Variants in ANKRD44 observed in about 807,000 individuals in gnomAD.
ANKRD44 encodes the protein serine/threonine-protein phosphatase 6 regulatory ankyrin repeat subunit B.
Under a neutral mutation model 116.0 loss-of-function variants are expected in ANKRD44, and 35 were observed. That is an observed-to-expected ratio of 0.30 (90% CI 0.23 to 0.40). ANKRD44 has a LOEUF of 0.40. Ranked by LOEUF, ANKRD44 falls within the 10% of genes least tolerant of loss-of-function variation. ANKRD44 has a pLI of 1.00. For missense variants in ANKRD44, 1,014 were observed against 1,242.6 expected (o/e 0.82, Z 2.77); for synonymous variants, 435 against 461.8 (o/e 0.94, Z 0.74).
At chr2:197,039,680 CGTGTGTGTGT>C (rs10535447) in intron 16 of ANKRD44, among the ~76,000 whole-genome samples, 74,415 of 140,852 alleles carry the variant, frequency 0.53, 19,642 homozygotes, top group East Asian at 0.69. Context: ...TGTGTGTGTG[CGTGTGTGTGT>C]GTGTGTGTGT....
At chr2:196,990,515 G>A in intron 27 of ANKRD44, 2 of 1,227,644 alleles carry the variant, frequency 1.6e-6, no homozygotes, top group East Asian at 3.2e-5. Flanking sequence ...CTGTGTGACT[G>A]TTCCACCCAA....
intron 1 of ANKRD44, among the ~76,000 whole-genome samples, chr2:197,223,547 T>C (rs6750821): frequency 0.15 from 23,139 of 152,220 alleles, 2,156 homozygotes; most frequent in African/African-American, 0.27. Flanking sequence ...TTTCTCCATG[T>C]CAGTATGTGT....
intron 1 of ANKRD44, among the ~76,000 whole-genome samples, chr2:197,289,894 G>A (rs771514157): frequency 1.2e-4 from 18 of 149,024 alleles, no homozygotes; most frequent in Non-Finnish European, 2.2e-4. Context: ...TTTTTGAGAC[G>A]GAGTCTCTAT....
At chr2:197,210,823 G>A (rs953521848) in intron 1 of ANKRD44, among the ~76,000 whole-genome samples, 3 of 152,224 alleles carry the variant, frequency 2.0e-5, no homozygotes, top group African/African-American at 7.2e-5. Flanking sequence ...GTGAATGAGA[G>A]GCTGGAGAGG....
At chr2:197,100,047 C>T (rs2125224705) in intron 9 of ANKRD44, 117 bp from the exon 10 acceptor site, 1 of 897,770 alleles carries the variant, frequency 1.1e-6, no homozygotes, top group Non-Finnish European at 1.7e-6. Flanking sequence ...TCCAGTTGTG[C>T]ATCTTTGCTC....
intron 1 of ANKRD44, among the ~76,000 whole-genome samples, chr2:197,250,646 G>A (rs1167266690): frequency 6.6e-6 from 1 of 152,166 alleles, no homozygotes; most frequent in African/African-American, 2.4e-5. Flanking sequence ...CACCTTATGT[G>A]CATTCTCTCA....
At chr2:197,063,734 A>G (rs2077369989) in intron 16 of ANKRD44, among the ~76,000 whole-genome samples, 1 of 152,196 alleles carries the variant, frequency 6.6e-6, no homozygotes, top group South Asian at 2.1e-4. Flanking sequence ...GAAATGAAAC[A>G]AGAAGAGAAG....
rs955290412 is a variant in ANKRD44, at chr2:197,172,002, T to C, written c.111+15021A>G. ...TACCATGTCCGTTATTTTTCTTCTT[T>C]TTTTTTTTTTTTTTTGAGATAATGT... On this transcript the variant is annotated intron_variant, in intron 2 of 27. Transcript: ENST00000282272. Among the ~76,000 whole-genome samples the C allele has an allele frequency of 1.8e-4, 26 of 147,698 alleles. No homozygotes were observed. In the East Asian group the frequency reaches 3.1e-3, roughly 18 times the overall value.
intron 1 of ANKRD44, among the ~76,000 whole-genome samples, chr2:197,267,367 C>T (rs943236882): frequency 6.6e-6 from 1 of 152,180 alleles, no homozygotes; most frequent in Non-Finnish European, 1.5e-5. Context: ...GTTGTCATTT[C>T]TCCCTATTGT....
chr2:197,263,418 C>G lies in ANKRD44; in HGVS notation c.27+47160G>C, dbSNP rs1021723851. On this transcript the variant is annotated intron_variant, in intron 1 of 27. Coordinates refer to ENST00000282272, the MANE Select transcript of ANKRD44 (RefSeq NM_001195144.2). Reference sequence around the variant, plus strand: ...TTGGGAGCCTCATCATTGATTATGCCAGGAACCCTTCTCTGAAACAACAGC... The same window carrying G: ...TTGGGAGCCTCATCATTGATTATGCGAGGAACCCTTCTCTGAAACAACAGC... 2.5e-5 allele frequency: 15 copies of G among 588,872 alleles called. No individual in the cohort carries two copies. In the Admixed American group the frequency reaches 3.1e-4, roughly 12 times the overall value. The allele number at this position is 588,872 out of a possible 1,614,324, so 36.5% of individuals were successfully genotyped here. A position where few individuals can be genotyped will look rare whatever the true frequency, so the allele number is the denominator to read the frequency against.
chr2:197,083,108 T>C (rs1345961572), intron 14 of ANKRD44, among the ~76,000 whole-genome samples: 2 of 152,266 alleles, frequency 1.3e-5, no homozygotes, highest in South Asian at 4.1e-4. Flanking sequence ...AAAACAGATT[T>C]TGAATGAACC....
Position 197,063,781 on chromosome 2 carries a change from C to A in ANKRD44, c.1650+14922G>T, listed in dbSNP as rs568146169. On this transcript the variant is annotated intron_variant, in intron 16 of 27. Transcript: ENST00000282272. ...AAGAGTAAAAAGAAACGAACAAAGC[C>A]TCCAAGAAATATGGGACTATGTGAA... Among the ~76,000 whole-genome samples, 4 of 152,270 alleles carry A rather than the reference C, an allele frequency of 2.6e-5. No individual in the cohort carries two copies. The South Asian group carries it at 8.3e-4, about 32-fold the overall frequency.
chr2:197,268,659 G>A (rs1373417694), intron 1 of ANKRD44, among the ~76,000 whole-genome samples: 1 of 152,178 alleles, frequency 6.6e-6, no homozygotes, highest in Non-Finnish European at 1.5e-5. Context: ...CGATACCCAG[G>A]TGACTTTTTT....
At chr2:196,983,580 C>T (rs1329367118), downstream of ANKRD44, among the ~76,000 whole-genome samples, 3 of 152,168 alleles carry the variant, frequency 2.0e-5, no homozygotes, top group Non-Finnish European at 4.4e-5. Flanking sequence ...ATAAAGTTCA[C>T]GAATTTGCTG....
At chr2:197,240,438 G>A (rs545823642) in intron 1 of ANKRD44, among the ~76,000 whole-genome samples, 5 of 149,314 alleles carry the variant, frequency 3.3e-5, no homozygotes, top group African/African-American at 1.2e-4. Context: ...AAGTTGTTCA[G>A]ACTTCTACCA....
chr2:197,036,291 C>T (rs62279176), intron 16 of ANKRD44, among the ~76,000 whole-genome samples: 17,000 of 152,094 alleles, frequency 0.11, 1,121 homozygotes, highest in East Asian at 0.16. Context: ...CAGAGTCTCA[C>T]TCTGTCACCC....
intron 20 of ANKRD44, among the ~76,000 whole-genome samples, chr2:197,006,752 C>T (rs1481191345): frequency 2.6e-5 from 4 of 152,068 alleles, no homozygotes; most frequent in Non-Finnish European, 4.4e-5. Flanking sequence ...TTGGTACCAG[C>T]CCAAAATAGC....
chr2:197,310,358 A>C (rs561706837), intron 1 of ANKRD44, among the ~76,000 whole-genome samples: 5,755 of 124,186 alleles, frequency 0.046, 362 homozygotes, highest in African/African-American at 0.15. Flanking sequence ...GCCCTGCCCC[A>C]GACTCGGGCG....
At chr2:197,189,282 T>G (rs1181852535) in intron 1 of ANKRD44, among the ~76,000 whole-genome samples, 1 of 152,244 alleles carries the variant, frequency 6.6e-6, no homozygotes, top group East Asian at 1.9e-4. Flanking sequence ...CAAATGAACA[T>G]ATATCTCTTT....
Sources: gnomAD v4.1 joint callset for allele counts (sites outside exome capture counted in the v4.1 genomes callset) on GRCh38, gnomAD v4.1.1 for gene constraint, MANE v1.5 for transcripts, NCBI Gene and HGNC (gene_info 2026-07-23, HGNC 2026-07-21) for gene names.